Variants in INCENP observed in about 807,000 individuals in gnomAD.
INCENP encodes inner centromere protein.
In INCENP, 43 loss-of-function variants were observed where a neutral mutation model predicts 107.3. That is an observed-to-expected ratio of 0.40 (90% CI 0.31 to 0.52). The LOEUF (loss-of-function observed/expected upper bound fraction) is 0.52. INCENP is among the 20% of genes least tolerant of loss of function. The pLI is 0.53. For synonymous variants in INCENP, 488 were observed against 494.4 expected (o/e 0.99, Z 0.17); for missense variants, 1,089 against 1,250.9 (o/e 0.87, Z 1.95).
intron 18 of INCENP, 99 bp downstream of exon 18, chr11:62,150,306 G>T: frequency 7.8e-7 from 1 of 1,278,054 alleles, no homozygotes; most frequent in South Asian, 1.3e-5. Flanking sequence ...GTGTTGGGAG[G>T]CTGCCGTGTG....
chr11:62,127,560 CT>C (rs1943779603), intron 1 of INCENP, among the ~76,000 whole-genome samples: 1 of 152,226 alleles, frequency 6.6e-6, no homozygotes, highest in Admixed American at 6.5e-5. Flanking sequence ...TGGATCACTA[CT>C]TTCTCACTCA....
Position 62,140,760 on chromosome 11 carries a change from A to T in INCENP, c.1400A>T (p.Glu467Val). ...GAGCTGGACGAGGAGCAGCACCTGG[A>T]GGATGAGGAGCTGCAGCCCCCCAGG... Reference protein sequence around the residue: ...VSELDEEQHLEDEELQPPRSK... With the variant: ...VSELDEEQHLVDEELQPPRSK... The change falls in exon 9 of 19, where the codon GAG (glutamate) becomes GTG (valine). Residue 467 changes from glutamate to valine, a missense_variant. By Grantham distance (121) the Glu-to-Val change is moderately radical (BLOSUM62 -2). Transcript: ENST00000394818. The T allele has an allele frequency of 6.2e-7, 1 of 1,609,358 alleles. No homozygotes were observed.
chr11:62,135,999 C>T (rs527337114), intron 4 of INCENP, among the ~76,000 whole-genome samples: 10 of 152,026 alleles, frequency 6.6e-5, no homozygotes, highest in African/African-American at 1.9e-4. Flanking sequence ...CTACTAGAGA[C>T]GGGGTTTCAC....
At chr11:62,142,027 G>A (rs977638637) in intron 11 of INCENP, among the ~76,000 whole-genome samples, 2 of 152,198 alleles carry the variant, frequency 1.3e-5, no homozygotes, top group Non-Finnish European at 2.9e-5. Flanking sequence ...GGGTGGTAGC[G>A]TCTAGAAACA....
intron 3 of INCENP, among the ~76,000 whole-genome samples, chr11:62,129,101 G>A (rs1232418257): frequency 1.3e-5 from 2 of 152,222 alleles, no homozygotes; most frequent in Non-Finnish European, 1.5e-5. Context: ...ATCTGTGGCT[G>A]TGTGTTGGGG....
chr11:62,137,173 G>C (rs916001439), intron 4 of INCENP, among the ~76,000 whole-genome samples: 7 of 152,290 alleles, frequency 4.6e-5, no homozygotes, highest in Admixed American at 3.9e-4. Flanking sequence ...GGCCAACATG[G>C]TGAAACCCTG....
chr11:62,141,675 C>A lies in INCENP; in HGVS notation c.1605+164C>A, dbSNP rs146504635. 4.1e-3 allele frequency: 3,792 copies of A among 921,626 alleles called. 12 individuals are homozygous for A. The highest frequency in any genetic ancestry group is 5.4e-3 in the Non-Finnish European group (3,110 of 571,000). 57.1% of individuals were successfully genotyped at this position (921,626 alleles called of 1,614,324 possible). A position where few individuals can be genotyped will look rare whatever the true frequency, so the allele number is the denominator to read the frequency against. ...CGGTGAGGGGTGCACTGGCTGGAGG[C>A]GCCCAGCAGTTCTGGGCCCCAGCGT... On this transcript the variant is annotated intron_variant, in intron 11 of 18. Coordinates refer to ENST00000394818, the MANE Select transcript of INCENP (RefSeq NM_001040694.2).
intron 13 of INCENP, 126 bp downstream of exon 13, chr11:62,145,415 C>A: frequency 7.0e-7 from 1 of 1,425,692 alleles, no homozygotes; most frequent in Non-Finnish European, 9.6e-7. Flanking sequence ...GCCCCATGGG[C>A]CCTGGAGTCC....
intron 15 of INCENP, among the ~76,000 whole-genome samples, chr11:62,147,143 G>T (rs553648293): frequency 6.6e-6 from 1 of 152,316 alleles, no homozygotes; most frequent in Admixed American, 6.5e-5. Context: ...GACCTCTTAG[G>T]TGTCTTTTTG....
rs756290549 is a variant in INCENP, at chr11:62,144,748, C to G, written c.1606-234C>G. 8 of 753,904 alleles carry G rather than the reference C, an allele frequency of 1.1e-5. No homozygotes were observed. In the African/African-American group the frequency reaches 1.4e-4, roughly 13 times the overall value. The allele number at this position is 753,904 out of a possible 1,614,324, so 46.7% of individuals were successfully genotyped here. ...AAACTTGGCAGGGCTCAATGGAGGG[C>G]ACTGTGGCTCAGGCCCTTGCGAGGT... On this transcript the variant is annotated intron_variant, in intron 11 of 18. Transcript: ENST00000394818.
chr11:62,137,732 AGTGGCCAGGCCCTT>A, intron 4 of INCENP, 86 bp from the exon 5 acceptor site: 1 of 976,874 alleles, frequency 1.0e-6, no homozygotes, highest in South Asian at 1.3e-5. Context: ...TGATGGGAGC[AGTGGCCAGGCCCTT>A]GCTGGAACCC....
chr11:62,141,013 AGCGCAACACTCCCCT>A lies in INCENP; in HGVS notation c.1568_1582del (p.Asn523_Arg527del). On this transcript the variant is annotated inframe_deletion, in exon 10 of 19. Transcript: ENST00000394818. ...CGCAGCGTCATGAAGTCCTTTATTAAGCGCAACACTCCCCTGCGCATGGACCCCAAGGTGAGGGGC... is the reference window on the plus strand; with the variant it reads ...CGCAGCGTCATGAAGTCCTTTATTAAGCGCATGGACCCCAAGGTGAGGGGC... 2 of 1,614,110 alleles carry A rather than the reference AGCGCAACACTCCCCT, an allele frequency of 1.2e-6. No homozygotes were observed. The highest frequency in any genetic ancestry group is 2.2e-5 in the South Asian group (2 of 91,070).
chr11:62,140,105 G>A (rs1944080069), intron 7 of INCENP, 129 bp from the exon 8 acceptor site: 2 of 758,970 alleles, frequency 2.6e-6, no homozygotes, highest in Non-Finnish European at 4.6e-6. Context: ...GGCCACCCCG[G>A]AGCTGCCAGG....
In INCENP at chr11:62,147,712, G is replaced by A. The variant is rs1199937469; in HGVS notation, c.2205-764G>A. On this transcript the variant is annotated intron_variant, in intron 15 of 18. Coordinates refer to ENST00000394818, the MANE Select transcript of INCENP (RefSeq NM_001040694.2). The stretch of plus-strand genomic sequence containing the variant: ...GGGTGGCTTCAGGTTTATCAGATAA[G>A]TGAAGAGTCACAGCCAGGGGGCTGC... Among the ~76,000 whole-genome samples, 3 of 152,198 alleles carry A rather than the reference G, an allele frequency of 2.0e-5. No individual in the cohort carries two copies. In the South Asian group the frequency reaches 6.2e-4, roughly 31 times the overall value.
chr11:62,134,947 A>G (rs1317601102), intron 4 of INCENP, among the ~76,000 whole-genome samples: 1 of 152,144 alleles, frequency 6.6e-6, no homozygotes, highest in Admixed American at 6.5e-5. Context: ...GCTACTCAGG[A>G]AGCTGAGGCA....
intron 7 of INCENP, among the ~76,000 whole-genome samples, chr11:62,139,833 G>T (rs543196276): frequency 6.6e-6 from 1 of 152,206 alleles, no homozygotes; most frequent in Non-Finnish European, 1.5e-5. Context: ...GGTGGGGCAC[G>T]TCTGGGGCTG....
In INCENP at chr11:62,146,803, G is replaced by A. The variant is rs553981745; in HGVS notation, c.2105G>A (p.Arg702Gln). ...RREQERREQE[R>Q]REQERREQER... ...GAGCAGGAGCGGCGCGAGCAGGAGC[G>A]GCGCGAGCAGGAGCGGCGGGAGCAG... is the stretch of plus-strand genomic sequence containing the variant. Residue 702 changes from arginine (R) to glutamine (Q), a missense_variant, in exon 15 of 19, where the codon CGG becomes CAG. By Grantham distance (43) the Arg-to-Gln change is conservative. Coordinates refer to ENST00000394818, the MANE Select transcript of INCENP (RefSeq NM_001040694.2). The A allele has an allele frequency of 4.4e-5, 67 of 1,534,512 alleles. No homozygotes were observed. The highest frequency in any genetic ancestry group is 4.2e-4 in the East Asian group (17 of 40,372).
intron 10 of INCENP, 68 bp downstream of exon 10, chr11:62,141,112 C>T (rs1182231865): frequency 5.2e-6 from 8 of 1,545,404 alleles, no homozygotes; most frequent in East Asian, 2.4e-5. Context: ...CCAGTCTGTC[C>T]TGTAAGATAC....
chr11:62,151,920 C>A lies in INCENP; in HGVS notation c.2701C>A (p.Pro901Thr). Residue 901 changes from proline to threonine, a missense_variant, in exon 19 of 19, where the codon CCC becomes ACC. By Grantham distance (38) the Pro-to-Thr change is conservative. Coordinates refer to ENST00000394818, the MANE Select transcript of INCENP (RefSeq NM_001040694.2). ...RTSSAVWNSP[P>T]LQGARVPSSL... ...CAGCTCTGCTGTCTGGAACTCACCG[C>A]CCCTGCAGGGCGCCAGGGTCCCCAG... The A allele has an allele frequency of 3.1e-6, 5 of 1,613,644 alleles. No homozygotes were observed. Among genetic ancestry groups the A allele is most frequent in the Non-Finnish European group, 4.2e-6 (5 of 1,180,028 alleles).
Sources: allele counts gnomAD v4.1 joint callset (sites outside exome capture counted in the v4.1 genomes callset), GRCh38; gene constraint gnomAD v4.1.1; transcripts MANE v1.5; gene names NCBI Gene and HGNC (gene_info 2026-07-23, HGNC 2026-07-21).